Variants in EML6 observed in about 807,000 individuals in gnomAD.
The protein encoded by EML6 is EMAP like 6.
Under a neutral mutation model 240.1 loss-of-function variants are expected in EML6, and 154 were observed. The observed-to-expected ratio is 0.64, with a 90% CI of 0.56 to 0.73. The LOEUF is 0.73. EML6 is among the 30% of genes least tolerant of loss of function. The probability of loss-of-function intolerance (pLI) is 0.00; values close to 1 mark genes in which losing one functional copy is unlikely to be tolerated. For synonymous variants in EML6, 1,148 were observed against 899.0 expected, an observed-to-expected ratio of 1.28 and a Z score of -4.95; for missense variants, 2,964 against 2,474.6, an observed-to-expected ratio of 1.20 and a Z score of -4.20.
chr2:54,944,887 A>G (rs758184818), intron 28 of EML6, among the ~76,000 whole-genome samples: 1 of 151,880 alleles, frequency 6.6e-6, no homozygotes, highest in Non-Finnish European at 1.5e-5. Context: ...TTTGGTCTTG[A>G]TAACAGAGAG....
intron 31 of EML6, 47 bp downstream of exon 31, chr2:54,952,739 C>A: frequency 7.8e-7 from 1 of 1,286,432 alleles, no homozygotes; most frequent in Non-Finnish European, 1.1e-6. Context: ...TGCAGGGACG[C>A]TGACCTGTCA....
At chr2:54,858,697 A>G (rs1337957856) in intron 11 of EML6, among the ~76,000 whole-genome samples, 10 of 152,350 alleles carry the variant, frequency 6.6e-5, no homozygotes, top group African/African-American at 1.7e-4. Context: ...CAAAAAATGT[A>G]TGAGCATGAC....
At chr2:54,862,445 G>C (rs879432824) in intron 12 of EML6, among the ~76,000 whole-genome samples, 1 of 148,264 alleles carries the variant, frequency 6.7e-6, no homozygotes, top group Non-Finnish European at 1.5e-5. Flanking sequence ...GCAGAAGAAA[G>C]GAACAGTGAA....
chr2:54,907,955 AGATAGAT>A (rs1558674232), intron 24 of EML6, among the ~76,000 whole-genome samples: 4 of 31,804 alleles, frequency 1.3e-4, no homozygotes, highest in African/African-American at 3.5e-4. Flanking sequence ...TAAGATAGAT[AGATAGAT>A]AGATAGATAG....
rs1673945706 is a variant in EML6, at chr2:54,916,922, C to T, written c.3662C>T (p.Ser1221Leu). 2 of 1,542,164 alleles carry T rather than the reference C, an allele frequency of 1.3e-6. No homozygotes were observed. Among genetic ancestry groups the T allele is most frequent in the Non-Finnish European group, 8.8e-7 (1 of 1,138,894 alleles). ...GATTTTGGTTTCGTTAAGCTTTTTT[C>T]ATATCCTGTCAAGGTAATATTGCGT... ...GDDFGFVKLF[S>L]YPVKGQHARF... The change falls in exon 26 of 42, where the codon TCA becomes TTA. Residue 1221 changes from serine (S) to leucine (L), a missense_variant. Transcript: ENST00000356458.
intron 18 of EML6, among the ~76,000 whole-genome samples, chr2:54,891,561 C>T (rs961516036): frequency 3.9e-5 from 6 of 152,118 alleles, no homozygotes; most frequent in African/African-American, 1.4e-4. Flanking sequence ...AGTCTGCCCA[C>T]AAATAGGTGG....
intron 2 of EML6, among the ~76,000 whole-genome samples, chr2:54,769,031 G>T (rs1668302833): frequency 6.6e-6 from 1 of 152,114 alleles, no homozygotes; most frequent in Non-Finnish European, 1.5e-5. Context: ...GGGTAGTTAA[G>T]AACCACACTA....
At chr2:54,877,592 T>C (rs1038655647) in intron 16 of EML6, among the ~76,000 whole-genome samples, 13 of 152,208 alleles carry the variant, frequency 8.5e-5, no homozygotes, top group African/African-American at 2.9e-4. Context: ...TGGTAATGAA[T>C]AGGAAGTCAT....
Position 54,891,117 on chromosome 2 carries a change from A to G in EML6, c.2502A>G (p.Thr834=), listed in dbSNP as rs1395738140. 6.6e-7 allele frequency: 1 copy of G among 1,506,064 alleles called. No individual in the cohort carries two copies. Among genetic ancestry groups the G allele is most frequent in the Non-Finnish European group, 9.0e-7 (1 of 1,112,912 alleles). The allele number at this position is 1,506,064 out of a possible 1,614,324, so 93.3% of individuals were successfully genotyped here. A position where few individuals can be genotyped will look rare whatever the true frequency, so the allele number is the denominator to read the frequency against. Residue 834 remains threonine, a synonymous_variant, in exon 18 of 42, where the codon ACA becomes ACG. Coordinates refer to ENST00000356458, the MANE Select transcript of EML6 (RefSeq NM_001039753.4). ...CACACCATGTTGACAAACTGGTTAC[A>G]GTTGGGATAAAACACATCAAATTCT... The part of the protein sequence containing the change: ...CNPHHVDKLV[T]VGIKHIKFWQ...
intron 7 of EML6, among the ~76,000 whole-genome samples, chr2:54,834,028 A>G (rs1326579520): frequency 6.6e-6 from 1 of 152,188 alleles, no homozygotes. Context: ...CTGAATTCCA[A>G]AATGCATCTG....
intron 2 of EML6, among the ~76,000 whole-genome samples, chr2:54,784,233 A>G (rs1668978754): frequency 6.6e-6 from 1 of 152,184 alleles, no homozygotes; most frequent in African/African-American, 2.4e-5. Context: ...GGCATGAGCC[A>G]CTGCACCTGG....
Position 54,957,917 on chromosome 2 carries a change from C to CG in EML6, c.4615dup (p.Ala1539GlyfsTer28). The CG allele has an allele frequency of 6.4e-7, 1 of 1,551,640 alleles. No individual in the cohort carries two copies. The highest frequency in any genetic ancestry group is 8.7e-7 in the Non-Finnish European group (1 of 1,146,988). On this transcript the variant is annotated frameshift_variant, in exon 33 of 42. Coordinates refer to ENST00000356458, the MANE Select transcript of EML6 (RefSeq NM_001039753.4). LOFTEE classifies it high-confidence loss of function. ...TGAAGTTCTGGACCCTGGCAGGCAG[C>CG]GCCTTGCTTTACAAGAAAGGGGTCA...
intron 28 of EML6, among the ~76,000 whole-genome samples, chr2:54,930,128 G>A (rs1279430489): frequency 6.6e-6 from 1 of 151,930 alleles, no homozygotes; most frequent in Non-Finnish European, 1.5e-5. Flanking sequence ...TTCATTTCTA[G>A]TTTCACATAC....
At position 54,970,218 on chromosome 2, in the gene EML6, C is replaced by T. The variant is rs1192642817; in HGVS notation, c.*123C>T. The stretch of plus-strand genomic sequence containing the variant: ...TGCCTACCATGCTGCCCCGGATGCA[C>T]AAGCTCAAAACGCTGCAGAAGTTAC... On this transcript the variant is annotated 3_prime_UTR_variant, in exon 42 of 42. Coordinates refer to ENST00000356458, the MANE Select transcript of EML6 (RefSeq NM_001039753.4). The T allele has an allele frequency of 1.1e-6, 1 of 943,464 alleles. No homozygotes were observed. Among genetic ancestry groups the T allele is most frequent in the Non-Finnish European group, 1.7e-6 (1 of 598,766 alleles). 58.4% of individuals were successfully genotyped at this position (943,464 alleles called of 1,614,324 possible).
intron 13 of EML6, 148 bp downstream of exon 13, chr2:54,864,037 C>G (rs1670830736): frequency 7.5e-6 from 4 of 534,366 alleles, no homozygotes; most frequent in Non-Finnish European, 1.3e-5. Context: ...CCTTTAAGTG[C>G]AGGTTAAAAC....
At chr2:54,809,121 C>G (rs928804363) in intron 2 of EML6, among the ~76,000 whole-genome samples, 44 of 152,284 alleles carry the variant, frequency 2.9e-4, no homozygotes, top group African/African-American at 1.1e-3. Context: ...TTGAGACTCG[C>G]AATGAAAGGG....
Position 54,960,313 on chromosome 2 carries a change from G to GCGCTC in EML6, c.4950_4954dup (p.Val1652AlafsTer11). 2 of 1,550,604 alleles carry GCGCTC rather than the reference G, an allele frequency of 1.3e-6. No individual in the cohort carries two copies. Among genetic ancestry groups the GCGCTC allele is most frequent in the Non-Finnish European group, 1.7e-6 (2 of 1,146,660 alleles). ...AGACCGGGCAGCTGGTGGAGTGTGT[G>GCGCTC]CGCTCCGTGTGCCGTGGAAAAGTGA... On this transcript the variant is annotated frameshift_variant, in exon 35 of 42. Transcript: ENST00000356458. LOFTEE classifies it high-confidence loss of function.
In EML6 at chr2:54,866,825, G is replaced by A. The variant is rs1233294718; in HGVS notation, c.1992G>A (p.Val664=). The A allele has an allele frequency of 6.4e-7, 1 of 1,551,280 alleles. No individual in the cohort carries two copies. Among genetic ancestry groups the A allele is most frequent in the East Asian group, 2.4e-5 (1 of 40,912 alleles). ...KQQSKEKNHA[V]PFLKREKAPE... ...AAAGTAAAGAGAAAAACCACGCAGT[G>A]CCCTTCCTCAAACGAGAAAAGGCTC... Residue 664 remains valine (V), a synonymous_variant, in exon 14 of 42, where the codon GTG becomes GTA. Coordinates refer to ENST00000356458, the MANE Select transcript of EML6 (RefSeq NM_001039753.4).
At chr2:54,827,889 A>G in intron 6 of EML6, 138 bp downstream of exon 6, 3 of 625,312 alleles carry the variant, frequency 4.8e-6, no homozygotes, top group South Asian at 4.5e-5. Flanking sequence ...AATTTCCCAT[A>G]TTACATTTGC....
Sources: gnomAD v4.1 joint callset for allele counts (sites outside exome capture counted in the v4.1 genomes callset) on GRCh38, gnomAD v4.1.1 for gene constraint, MANE v1.5 for transcripts, NCBI Gene and HGNC (gene_info 2026-07-23, HGNC 2026-07-21) for gene names.